GNAL: variants seen among roughly 807,000 people sequenced by gnomAD.
GNAL encodes guanine nucleotide-binding protein G(olf) subunit alpha.
Under a neutral mutation model 55.1 loss-of-function variants are expected in GNAL, and 18 were observed. That is an observed-to-expected ratio of 0.33 (90% CI 0.23 to 0.48). The LOEUF (loss-of-function observed/expected upper bound fraction) is 0.48, where lower values mean the gene tolerates loss of function less well. Among genes scored for constraint, GNAL ranks in the 20% least tolerant of loss-of-function variants. The pLI, the probability that GNAL is intolerant of heterozygous loss-of-function variation, is 0.99. For synonymous variants in GNAL, 253 were observed against 237.0 expected (o/e 1.07, Z -0.62); for missense variants, 412 against 614.1 (o/e 0.67, Z 3.48).
chr18:11,703,794 G>GACACACACACACAC (rs1567991662), intron 1 of GNAL, among the ~76,000 whole-genome samples: 1 of 88,568 alleles, frequency 1.1e-5, no homozygotes, highest in African/African-American at 5.6e-5. Flanking sequence ...AGTGTTGATG[G>GACACACACACACAC]GCACACACAC....
intron 1 of GNAL, chr18:11,746,783 A>T (rs758825371): frequency 9.6e-6 from 4 of 414,742 alleles, no homozygotes; most frequent in Admixed American, 2.8e-5. Flanking sequence ...GACATTTGTG[A>T]CTGGCATGGA....
chr18:11,720,153 T>C (rs947419843), intron 1 of GNAL, among the ~76,000 whole-genome samples: 1 of 152,222 alleles, frequency 6.6e-6, no homozygotes, highest in East Asian at 1.9e-4. Context: ...AAGGTGAGTC[T>C]AGACCAAGAG....
chr18:11,877,387 G>A (rs767737475), intron 11 of GNAL, among the ~76,000 whole-genome samples: 4 of 152,136 alleles, frequency 2.6e-5, no homozygotes, highest in East Asian at 1.9e-4. Flanking sequence ...CCCAGGAGGC[G>A]GAGGTTGCGG....
intron 4 of GNAL, among the ~76,000 whole-genome samples, chr18:11,822,174 A>C (rs953831253): frequency 8.5e-5 from 13 of 152,312 alleles, no homozygotes; most frequent in Middle Eastern, 3.4e-3. Flanking sequence ...GGCCTACTCA[A>C]GATGGGGTTT....
chr18:11,741,706 A>G (rs1413841717), intron 1 of GNAL, among the ~76,000 whole-genome samples: 1 of 152,216 alleles, frequency 6.6e-6, no homozygotes, highest in Non-Finnish European at 1.5e-5. Context: ...TCTGTCCCCC[A>G]GGCTCCATGT....
At chr18:11,861,550 G>A (rs569768570) in intron 5 of GNAL, among the ~76,000 whole-genome samples, 51 of 152,230 alleles carry the variant, frequency 3.4e-4, no homozygotes, top group Non-Finnish European at 6.9e-4. Flanking sequence ...AATAACAACA[G>A]ATCAACCAAG....
Position 11,698,406 on chromosome 18 carries a change from G to A in GNAL, c.376+8467G>A, listed in dbSNP as rs138901419. 5.1e-3 allele frequency among the ~76,000 whole-genome samples: 761 copies of A among 150,480 alleles called. 7 individuals carry two copies. The highest frequency in any genetic ancestry group is 0.018 in the African/African-American group (723 of 40,482). ...CTTGGGAGGCTGAGGCAGGAGAATC[G>A]CTTGAACCCAGGAGGCAGAGGTTGC... On this transcript the variant is annotated intron_variant, in intron 1 of 11. Coordinates refer to ENST00000334049, the MANE Select transcript of GNAL (RefSeq NM_182978.4).
intron 7 of GNAL, 73 bp from the exon 8 acceptor site, chr18:11,867,084 CTGATAGCAAAA>C: frequency 9.6e-7 from 1 of 1,045,282 alleles, no homozygotes; most frequent in African/African-American, 1.6e-5. Flanking sequence ...CTGGAACCTG[CTGATAGCAAAA>C]GAGGAAAGCA....
At chr18:11,811,431 C>G (rs796249643) in intron 4 of GNAL, 1 of 152,300 alleles carries the variant, frequency 6.6e-6, no homozygotes, top group Admixed American at 6.5e-5. Flanking sequence ...GCCTTAGCAC[C>G]AGCCTCTGCC....
At chr18:11,779,352 T>TTA (rs1206261575) in intron 4 of GNAL, among the ~76,000 whole-genome samples, 1 of 152,144 alleles carries the variant, frequency 6.6e-6, no homozygotes, top group African/African-American at 2.4e-5. Flanking sequence ...TAACTGCACA[T>TTA]TACATATATG....
intron 1 of GNAL, among the ~76,000 whole-genome samples, chr18:11,697,116 G>A (rs1192005126): frequency 2.0e-5 from 3 of 152,192 alleles, no homozygotes; most frequent in Non-Finnish European, 4.4e-5. Context: ...CCTAGCAAAG[G>A]GCAGCCAGCC....
chr18:11,827,894 C>A (rs534215845), intron 5 of GNAL, among the ~76,000 whole-genome samples: 1 of 151,002 alleles, frequency 6.6e-6, no homozygotes, highest in African/African-American at 2.4e-5. Context: ...TGGCGTGAAC[C>A]CGGGAGGCGG....
chr18:11,784,361 C>T (rs1296534435), intron 4 of GNAL, among the ~76,000 whole-genome samples: 1 of 152,206 alleles, frequency 6.6e-6, no homozygotes, highest in African/African-American at 2.4e-5. Context: ...ACCACGTGGC[C>T]ACAGGTGTTG....
intron 5 of GNAL, among the ~76,000 whole-genome samples, chr18:11,858,181 A>G (rs1240230367): frequency 6.6e-6 from 1 of 152,206 alleles, no homozygotes; most frequent in Non-Finnish European, 1.5e-5. Flanking sequence ...TTTTGCTAAT[A>G]TCAAACAGAA....
At chr18:11,873,907 G>A (rs544273949) in intron 10 of GNAL, 1 of 152,690 alleles carries the variant, frequency 6.5e-6, no homozygotes, top group East Asian at 1.9e-4. Flanking sequence ...CCCTCCTCAT[G>A]GCTGTGGTCC....
intron 5 of GNAL, among the ~76,000 whole-genome samples, chr18:11,856,949 G>GT (rs1326830976): frequency 1.3e-5 from 2 of 152,102 alleles, no homozygotes; most frequent in East Asian, 3.9e-4. Flanking sequence ...AAAATAAATA[G>GT]TTTTTTAAAT....
intron 8 of GNAL, among the ~76,000 whole-genome samples, chr18:11,867,536 C>T (rs896959873): frequency 4.6e-5 from 7 of 152,028 alleles, no homozygotes; most frequent in Non-Finnish European, 1.0e-4. Flanking sequence ...AAAATTAGGC[C>T]GGGCGTGGTG....
intron 4 of GNAL, among the ~76,000 whole-genome samples, chr18:11,817,770 GTA>G (rs1209299226): frequency 6.6e-6 from 1 of 151,720 alleles, no homozygotes; most frequent in African/African-American, 2.4e-5. Flanking sequence ...TGTATTTTTA[GTA>G]GAGACGGGCT....
intron 4 of GNAL, among the ~76,000 whole-genome samples, chr18:11,804,184 G>A (rs2034599327): frequency 7.5e-6 from 1 of 133,586 alleles, no homozygotes; most frequent in Admixed American, 7.5e-5. Flanking sequence ...TAGTGGTGAA[G>A]TACAGGTGCG....
Sources: gnomAD v4.1 joint callset for allele counts (sites outside exome capture counted in the v4.1 genomes callset) on GRCh38, gnomAD v4.1.1 for gene constraint, MANE v1.5 for transcripts, NCBI Gene and HGNC (gene_info 2026-07-23, HGNC 2026-07-21) for gene names.